Variants in PCDHGA11 observed in about 807,000 individuals in gnomAD.
The protein encoded by PCDHGA11 is protocadherin gamma-A11.
PCDHGA11 carries 39 observed loss-of-function variants against 60.4 expected under a neutral mutation model. The ratio of observed to expected loss-of-function variants is 0.65; its 90% CI spans 0.50 to 0.84. The LOEUF (loss-of-function observed/expected upper bound fraction) is 0.84. Ranked by LOEUF, PCDHGA11 falls within the 40% of genes least tolerant of loss-of-function variation. The probability of loss-of-function intolerance (pLI) is 0.00; values close to 1 mark genes in which losing one functional copy is unlikely to be tolerated. For missense variants in PCDHGA11, 1,165 were observed against 1,197.7 expected (o/e 0.97, Z 0.40); for synonymous variants, 533 against 510.3 (o/e 1.04, Z -0.60).
Position 141,487,203 on chromosome 5 carries a change from G to A in PCDHGA11, c.2434-7604G>A, listed in dbSNP as rs765707343. 6.8e-6 allele frequency: 11 copies of A among 1,613,804 alleles called. No homozygotes were observed. The highest frequency in any genetic ancestry group is 5.3e-5 in the African/African-American group (4 of 74,890). The stretch of plus-strand genomic sequence containing the variant: ...ACTCATCCAGTTGTCCCAGATCTTC[G>A]AGAATCTTCAGCTCCAAGGGAAGGA... On this transcript the variant is annotated intron_variant, in intron 1 of 3. Transcript: ENST00000398587. This position sits in a 1 kb window ranked among gnomAD's most constrained non-coding sequence, Gnocchi z 5.0.
intron 1 of PCDHGA11, chr5:141,427,909 C>G: frequency 6.3e-7 from 1 of 1,576,922 alleles, no homozygotes; most frequent in Non-Finnish European, 8.7e-7. Context: ...GCGCTCAGCG[C>G]CAACATGAGC....
rs946798767 is a variant in PCDHGA11, at chr5:141,438,591, CATATATATAT to C, written c.2433+14967_2433+14976del. On this transcript the variant is annotated intron_variant, in intron 1 of 3. Transcript: ENST00000398587. The stretch of plus-strand genomic sequence containing the variant: ...TCTGATATACATACATACATACATA[CATATATATAT>C]ATATATATATATATATATATATATA... Among the ~76,000 whole-genome samples, 12 of 75,572 alleles carry C rather than the reference CATATATATAT, an allele frequency of 1.6e-4. No individual in the cohort carries two copies. The East Asian group carries it at 1.7e-3, about 11-fold the overall frequency. The allele number at this position is 75,572 out of a possible 152,430, so 49.6% of individuals were successfully genotyped here.
At chr5:141,459,375 C>T (rs973503237) in intron 1 of PCDHGA11, among the ~76,000 whole-genome samples, 2 of 152,194 alleles carry the variant, frequency 1.3e-5, no homozygotes, top group African/African-American at 4.8e-5. Flanking sequence ...GTATCAGCAG[C>T]GTGTTCCATT....
At chr5:141,460,908 T>C (rs550367008) in intron 1 of PCDHGA11, among the ~76,000 whole-genome samples, 2,136 of 133,318 alleles carry the variant, frequency 0.016, 43 homozygotes, top group African/African-American at 0.062. Flanking sequence ...TAATATTCCA[T>C]GGTGTATATA....
In PCDHGA11 at chr5:141,423,597, G is replaced by C; in HGVS notation, c.2370G>C (p.Glu790Asp). ...LISQESCEKS[E>D]PLLIAEDSAI... Reference sequence around the variant, plus strand: ...GCCAGGAGAGCTGTGAGAAAAGCGAGCCACTCTTGATAGCTGAAGACTCAG... The same window carrying C: ...GCCAGGAGAGCTGTGAGAAAAGCGACCCACTCTTGATAGCTGAAGACTCAG... The change falls in exon 1 of 4, where the codon GAG (glutamate) becomes GAC (aspartate). Residue 790 changes from glutamate (E) to aspartate (D), a missense_variant. Physicochemically the swap from Glu to Asp is conservative, Grantham distance 45 (BLOSUM62 2). Coordinates refer to ENST00000398587, the MANE Select transcript of PCDHGA11 (RefSeq NM_018914.3). 6.2e-7 allele frequency: 1 copy of C among 1,613,188 alleles called. No individual in the cohort carries two copies. The highest frequency in any genetic ancestry group is 8.5e-7 in the Non-Finnish European group (1 of 1,179,442).
Position 141,478,407 on chromosome 5 carries a change from C to T in PCDHGA11, c.2434-16400C>T. On this transcript the variant is annotated intron_variant, in intron 1 of 3. Coordinates refer to ENST00000398587, the MANE Select transcript of PCDHGA11 (RefSeq NM_018914.3). The stretch of plus-strand genomic sequence containing the variant: ...CTTTACCATCAGGTGTATCTCACCA[C>T]GGACTCCCGCCGCAGCGACCCGCTG... 1.9e-6 allele frequency: 3 copies of T among 1,613,272 alleles called. No individual in the cohort carries two copies. The highest frequency in any genetic ancestry group is 1.3e-5 in the African/African-American group (1 of 75,072).
intron 1 of PCDHGA11, chr5:141,440,019 G>A (rs747595475): frequency 6.5e-5 from 10 of 153,114 alleles, no homozygotes; most frequent in Non-Finnish European, 8.8e-5. Flanking sequence ...AAGGATCTGG[G>A]ACTCAGTGTC....
At chr5:141,464,682 T>C (rs1442997972) in intron 1 of PCDHGA11, among the ~76,000 whole-genome samples, 1 of 152,132 alleles carries the variant, frequency 6.6e-6, no homozygotes, top group Non-Finnish European at 1.5e-5. Flanking sequence ...TTAATTAAAA[T>C]TTCTCTTATT....
Position 141,489,866 on chromosome 5 carries a change from A to AGCTGGT in PCDHGA11, c.2434-4937_2434-4932dup. ...GATCGTGAAGCCCAGGCAAGACATC[A>AGCTGGT]GCTGGTGCTTACTGCTGTGGATGGG... On this transcript the variant is annotated intron_variant, in intron 1 of 3. Coordinates refer to ENST00000398587, the MANE Select transcript of PCDHGA11 (RefSeq NM_018914.3). The surrounding 1 kb of genome is among the most constrained non-coding windows in gnomAD (Gnocchi z 4.5). The AGCTGGT allele has an allele frequency of 1.2e-6, 2 of 1,614,220 alleles. No individual in the cohort carries two copies. The highest frequency in any genetic ancestry group is 1.7e-6 in the Non-Finnish European group (2 of 1,180,018).
At position 141,431,735 on chromosome 5, in the gene PCDHGA11, G is replaced by A. The variant is rs2097411908; in HGVS notation, c.2433+8075G>A. 1.2e-6 allele frequency: 2 copies of A among 1,614,118 alleles called. No homozygotes were observed. Among genetic ancestry groups the A allele is most frequent in the Non-Finnish European group, 1.7e-6 (2 of 1,180,056 alleles). On this transcript the variant is annotated intron_variant, in intron 1 of 3. Transcript: ENST00000398587. The surrounding 1 kb of genome is among the most constrained non-coding windows in gnomAD (Gnocchi z 4.8). ...GGAAGTGCAAGCAATGGATAATGCAGGATATTCTGCGCGAGCCAAAGTCCT... is the reference window on the plus strand; with the variant it reads ...GGAAGTGCAAGCAATGGATAATGCAAGATATTCTGCGCGAGCCAAAGTCCT...
rs757924501 is a variant in PCDHGA11, at chr5:141,490,548, A to G, written c.2434-4259A>G. 1.2e-6 allele frequency: 2 copies of G among 1,614,084 alleles called. No individual in the cohort carries two copies. Among genetic ancestry groups the G allele is most frequent in the South Asian group, 2.2e-5 (2 of 91,080 alleles). ...ATGCTGGTTCACCTTCCCTACACAA[A>G]CATCTCACCATCAGGCTCAACATTT... On this transcript the variant is annotated intron_variant, in intron 1 of 3. Transcript: ENST00000398587. This position sits in a 1 kb window ranked among gnomAD's most constrained non-coding sequence, Gnocchi z 5.4.
Position 141,422,710 on chromosome 5 carries a change from G to T in PCDHGA11, c.1483G>T (p.Asp495Tyr). 6.2e-7 allele frequency: 1 copy of T among 1,603,486 alleles called. No homozygotes were observed. The highest frequency in any genetic ancestry group is 1.3e-5 in the African/African-American group (1 of 74,944). Residue 495 changes from aspartate to tyrosine, a missense_variant, in exon 1 of 4, where the codon GAC becomes TAC. Transcript: ENST00000398587. ...CCTGGTCACTTACTCTCTGACGGATGACACTGTCCAGGGGGTGCCTCTGTC... is the reference window on the plus strand; with the variant it reads ...CCTGGTCACTTACTCTCTGACGGATTACACTGTCCAGGGGGTGCCTCTGTC... ...NALVTYSLTDDTVQGVPLSSY... is the reference protein window; with the variant it reads ...NALVTYSLTDYTVQGVPLSSY...
chr5:141,430,822 G>C lies in PCDHGA11; in HGVS notation c.2433+7162G>C, dbSNP rs752634890. 5.8e-6 allele frequency: 9 copies of C among 1,542,380 alleles called. No homozygotes were observed. The African/African-American group carries it at 1.1e-4, about 19-fold the overall frequency. On this transcript the variant is annotated intron_variant, in intron 1 of 3. Transcript: ENST00000398587. ...TTGTCCTGCTGGGAATCCTCCTGGGGACTCTGTGGGAGACCGGATGCACCC... is the reference window on the plus strand; with the variant it reads ...TTGTCCTGCTGGGAATCCTCCTGGGCACTCTGTGGGAGACCGGATGCACCC...
Position 141,447,434 on chromosome 5 carries a change from G to A in PCDHGA11, c.2433+23774G>A, listed in dbSNP as rs114249648. ...ATTACAGGCGTGAGCCACCGCACCC[G>A]GAGGAAATTTTTAACCTCAGTTTTT... On this transcript the variant is annotated intron_variant, in intron 1 of 3. Transcript: ENST00000398587. 2.8e-3 allele frequency among the ~76,000 whole-genome samples: 425 copies of A among 152,164 alleles called. 1 individual carries two copies. The highest frequency in any genetic ancestry group is 9.5e-3 in the African/African-American group (394 of 41,546).
chr5:141,441,672 GCCTTCGA>G (rs1327551430), intron 1 of PCDHGA11: 1 of 290,468 alleles, frequency 3.4e-6, no homozygotes, highest in Non-Finnish European at 6.8e-6. Flanking sequence ...CGCACAGTGC[GCCTTCGA>G]CCAAGAGCAG....
Position 141,423,257 on chromosome 5 carries a change from G to T in PCDHGA11, c.2030G>T (p.Gly677Val), listed in dbSNP as rs1412429501. ...ATCCCCGAAGTCCTGGCGGACCTCG[G>T]CAGCCTCGAGTCTCTGGCTAACTCT... Reference protein sequence around the residue: ...DSIPEVLADLGSLESLANSET... With the variant: ...DSIPEVLADLVSLESLANSET... The change falls in exon 1 of 4, where the codon GGC (glycine) becomes GTC (valine). Residue 677 changes from glycine to valine, a missense_variant. Transcript: ENST00000398587. The T allele has an allele frequency of 8.7e-6, 14 of 1,613,946 alleles. No individual in the cohort carries two copies. The highest frequency in any genetic ancestry group is 1.3e-5 in the African/African-American group (1 of 75,060).
At position 141,489,244 on chromosome 5, in the gene PCDHGA11, G is replaced by A. The variant is rs145484133; in HGVS notation, c.2434-5563G>A. ...TCCACAAAGGGACTTCTGGGTCATG[G>A]GGCCCAAGACACTCCCACAGCTCGC... On this transcript the variant is annotated intron_variant, in intron 1 of 3. Coordinates refer to ENST00000398587, the MANE Select transcript of PCDHGA11 (RefSeq NM_018914.3). This position sits in a 1 kb window ranked among gnomAD's most constrained non-coding sequence, Gnocchi z 4.5. 5 of 1,534,936 alleles carry A rather than the reference G, an allele frequency of 3.3e-6. No individual in the cohort carries two copies. In the African/African-American group the frequency reaches 5.5e-5, roughly 17 times the overall value.
chr5:141,425,177 GGAATTCCAAACTGA>G (rs2096860295), intron 1 of PCDHGA11, among the ~76,000 whole-genome samples: 1 of 152,036 alleles, frequency 6.6e-6, no homozygotes, highest in South Asian at 2.1e-4. Flanking sequence ...TTATACTTGT[GGAATTCCAAACTGA>G]GAAAAATGAT....
rs1173627393 is a variant in PCDHGA11 at position 141,487,102 on chromosome 5, G to A, written c.2434-7705G>A. ...CAGCTGACCTCCCACCACAGAAGCT[G>A]GTCATTGTGGTAAAGGATAGTGGTA... On this transcript the variant is annotated intron_variant, in intron 1 of 3. Coordinates refer to ENST00000398587, the MANE Select transcript of PCDHGA11 (RefSeq NM_018914.3). This position sits in a 1 kb window ranked among gnomAD's most constrained non-coding sequence, Gnocchi z 5.0. 1 of 1,613,900 alleles carries A rather than the reference G, an allele frequency of 6.2e-7. No homozygotes were observed.
Sources: allele counts gnomAD v4.1 joint callset (sites outside exome capture counted in the v4.1 genomes callset), GRCh38; gene constraint gnomAD v4.1.1; non-coding constraint Gnocchi (gnomAD v3.1); transcripts MANE v1.5; gene names NCBI Gene and HGNC (gene_info 2026-07-23, HGNC 2026-07-21).